FNIP1: variants seen among roughly 807,000 people sequenced by gnomAD.
FNIP1 encodes the protein folliculin interacting protein 1, also known as folliculin-interacting protein 1.
In FNIP1, 40 loss-of-function variants were observed where a neutral mutation model predicts 124.5. The observed-to-expected ratio is 0.32, with a 90% CI of 0.25 to 0.42. FNIP1 has a LOEUF of 0.42. FNIP1 is among the 10% of genes least tolerant of loss of function. The pLI is 1.00. For synonymous variants in FNIP1, 472 were observed against 470.6 expected (o/e 1.00, Z -0.04); for missense variants, 1,176 against 1,403.7 (o/e 0.84, Z 2.59).
rs185420932 is a variant in FNIP1 at position 131,689,791 on chromosome 5, T to C, written c.1202+9126A>G. ...AAATAGAAAACTATTACAAATATGA[T>C]AGATATTAATCCAACTATATCAATT... On this transcript the variant is annotated intron_variant, in intron 11 of 17. Coordinates refer to ENST00000510461, the MANE Select transcript of FNIP1 (RefSeq NM_133372.3). Among the ~76,000 whole-genome samples the C allele has an allele frequency of 8.6e-4, 131 of 152,282 alleles. 1 individual carries two copies. Among genetic ancestry groups the C allele is most frequent in the African/African-American group, 2.8e-3 (117 of 41,574 alleles).
chr5:131,688,702 T>TAA lies in FNIP1; in HGVS notation c.1203-9529_1203-9528dup, dbSNP rs61408307. Among the ~76,000 whole-genome samples, 1,107 of 130,224 alleles carry TAA rather than the reference T, an allele frequency of 8.5e-3. 15 individuals carry two copies. The highest frequency in any genetic ancestry group is 0.069 in the Middle Eastern group (17 of 246). 85.4% of individuals were successfully genotyped at this position (130,224 alleles called of 152,430 possible). On this transcript the variant is annotated intron_variant, in intron 11 of 17. Transcript: ENST00000510461. Reference sequence around the variant, plus strand: ...AAAATCAAAAGGAAATGCTAGCAATTAAAAAAAAAAAAAAAAGGAGCAGGA... The same window carrying TAA: ...AAAATCAAAAGGAAATGCTAGCAATTAAAAAAAAAAAAAAAAAAGGAGCAGGA...
chr5:131,701,018 CAG>C (rs1768883279), intron 10 of FNIP1, among the ~76,000 whole-genome samples: 1 of 152,170 alleles, frequency 6.6e-6, no homozygotes, highest in African/African-American at 2.4e-5. Context: ...GGCCGTGGAC[CAG>C]TACCCGTCAG....
chr5:131,786,472 T>C (rs1772223469), intron 1 of FNIP1, among the ~76,000 whole-genome samples: 1 of 152,198 alleles, frequency 6.6e-6, no homozygotes, highest in Admixed American at 6.5e-5. Flanking sequence ...TGAAACAGAT[T>C]ATTCTCAAGA....
At chr5:131,768,112 C>T (rs1270750351) in intron 1 of FNIP1, among the ~76,000 whole-genome samples, 1 of 151,942 alleles carries the variant, frequency 6.6e-6, no homozygotes, top group Non-Finnish European at 1.5e-5. Context: ...AAACTATTAC[C>T]AGCATTAAAG....
intron 1 of FNIP1, among the ~76,000 whole-genome samples, chr5:131,769,089 C>T (rs1771538971): frequency 1.3e-5 from 2 of 152,090 alleles, no homozygotes; most frequent in South Asian, 4.1e-4. Flanking sequence ...GAAAAGCACA[C>T]TGCTTTCCAA....
In FNIP1 at chr5:131,693,317, CACATATATATATATACATATATATATAT is replaced by C. The variant is rs1768558145; in HGVS notation, c.1202+5572_1202+5599del. Among the ~76,000 whole-genome samples, 6 of 41,592 alleles carry C rather than the reference CACATATATATATATACATATATATATAT, an allele frequency of 1.4e-4. No individual in the cohort carries two copies. In the South Asian group the frequency reaches 3.5e-3, roughly 24 times the overall value. The allele number at this position is 41,592 out of a possible 152,430, so 27.3% of individuals were successfully genotyped here. Reference sequence around the variant, plus strand: ...ATATACATATATATATATATATATACACATATATATATATACATATATATATATATATATATATATATATAGTTACAGA... The same window carrying C: ...ATATACATATATATATATATATATACATATATATATATATATAGTTACAGA... On this transcript the variant is annotated intron_variant, in intron 11 of 17. Transcript: ENST00000510461.
At chr5:131,644,894 G>A in intron 17 of FNIP1, 131 bp from the exon 18 acceptor site, 1 of 728,356 alleles carries the variant, frequency 1.4e-6, no homozygotes, top group Non-Finnish European at 2.3e-6. Flanking sequence ...CTGGCCGAAA[G>A]GAAAAATTCT....
chr5:131,700,751 T>A (rs970381520), intron 10 of FNIP1, among the ~76,000 whole-genome samples: 11 of 151,456 alleles, frequency 7.3e-5, no homozygotes, highest in Admixed American at 3.3e-4. Flanking sequence ...AAAAAAAAAA[T>A]AGTCTGAAAA....
intron 13 of FNIP1, 78 bp downstream of exon 13, chr5:131,677,625 T>G: frequency 1.5e-6 from 2 of 1,335,090 alleles, no homozygotes; most frequent in Non-Finnish European, 2.1e-6. Flanking sequence ...TTTATTTATT[T>G]TTGGTTTTGC....
intron 11 of FNIP1, among the ~76,000 whole-genome samples, chr5:131,688,150 T>C (rs1262465940): frequency 1.3e-5 from 2 of 152,026 alleles, no homozygotes; most frequent in Non-Finnish European, 2.9e-5. Flanking sequence ...CATTTCCCCT[T>C]CCTCTCTCCA....
intron 3 of FNIP1, among the ~76,000 whole-genome samples, chr5:131,728,018 T>C (rs191182075): frequency 4.6e-5 from 7 of 152,344 alleles, no homozygotes; most frequent in South Asian, 2.1e-4. Context: ...CACTCTCTTC[T>C]GGCTTTAGAG....
intron 1 of FNIP1, among the ~76,000 whole-genome samples, chr5:131,788,881 A>G (rs949479952): frequency 1.3e-5 from 2 of 152,152 alleles, no homozygotes; most frequent in Admixed American, 6.6e-5. Context: ...CTGTGAAATT[A>G]AACTACCATA....
intron 1 of FNIP1, among the ~76,000 whole-genome samples, chr5:131,749,347 A>G (rs1407102600): frequency 1.3e-5 from 2 of 151,118 alleles, no homozygotes; most frequent in African/African-American, 4.9e-5. Flanking sequence ...AAATCCATTC[A>G]CAGTAAGTGA....
intron 14 of FNIP1, 80 bp from the exon 15 acceptor site, chr5:131,670,711 T>G: frequency 4.9e-6 from 5 of 1,010,832 alleles, no homozygotes; most frequent in South Asian, 2.1e-5. Flanking sequence ...AAGTGAATTC[T>G]ACTTGTCCAT....
At chr5:131,652,108 C>T (rs1767056778) in intron 15 of FNIP1, 109 bp from the exon 16 acceptor site, 1 of 964,858 alleles carries the variant, frequency 1.0e-6, no homozygotes, top group Non-Finnish European at 1.5e-6. Context: ...AAAAATTAAA[C>T]TTCAATATTT....
intron 2 of FNIP1, among the ~76,000 whole-genome samples, chr5:131,735,553 C>G (rs10078640): frequency 0.66 from 97,146 of 147,332 alleles, 33,271 homozygotes; most frequent in Non-Finnish European, 0.77. Flanking sequence ...CATGTATATA[C>G]ATATACACAT....
chr5:131,762,076 CCTAT>C (rs1771250391), intron 1 of FNIP1, among the ~76,000 whole-genome samples: 1 of 152,076 alleles, frequency 6.6e-6, no homozygotes, highest in Non-Finnish European at 1.5e-5. Flanking sequence ...AAACCAGACC[CCTAT>C]CTCTCACCAT....
At chr5:131,708,414 T>C (rs1769185116) in intron 8 of FNIP1, among the ~76,000 whole-genome samples, 2 of 152,220 alleles carry the variant, frequency 1.3e-5, no homozygotes, top group African/African-American at 2.4e-5. Context: ...CTCCTCCTTT[T>C]ACTTATGCTG....
intron 1 of FNIP1, 129 bp downstream of exon 1, chr5:131,796,701 A>T (rs1772615190): frequency 2.4e-6 from 2 of 827,138 alleles, no homozygotes; most frequent in South Asian, 3.6e-5. Context: ...GCTCCACCCC[A>T]CCGAGGACCA....
Sources: allele counts gnomAD v4.1 joint callset (sites outside exome capture counted in the v4.1 genomes callset), GRCh38; gene constraint gnomAD v4.1.1; transcripts MANE v1.5; gene names NCBI Gene and HGNC (gene_info 2026-07-23, HGNC 2026-07-21).